The following CNTN5 variants were observed in gnomAD, a reference collection of about 807,000 sequenced individuals.
The protein encoded by CNTN5 is contactin-5.
CNTN5 carries 77 observed loss-of-function variants against 129.1 expected under a neutral mutation model. The ratio of observed to expected loss-of-function variants is 0.60; its 90% CI spans 0.50 to 0.72. The LOEUF (loss-of-function observed/expected upper bound fraction) is 0.72. Ranked by LOEUF, CNTN5 falls within the 30% of genes least tolerant of loss-of-function variation. CNTN5 has a pLI of 0.00. For missense variants in CNTN5, 1,478 were observed against 1,328.8 expected, an observed-to-expected ratio of 1.11 and a Z score of -1.75; for synonymous variants, 509 against 465.6, an observed-to-expected ratio of 1.09 and a Z score of -1.20.
chr11:99,139,185 T>C (rs1013103718), intron 1 of CNTN5, among the ~76,000 whole-genome samples: 2 of 148,712 alleles, frequency 1.3e-5, no homozygotes, highest in Non-Finnish European at 3.0e-5. Flanking sequence ...GAGGATTGCT[T>C]GAGCCTGGGA....
chr11:99,122,226 TG>T lies in CNTN5; in HGVS notation c.-210+100957del, dbSNP rs1858377478. The stretch of plus-strand genomic sequence containing the variant: ...GTCCATACAGAGATTTACTATCCCT[TG>T]CTTTAGGAACAGTTGTCATAGTTTA... On this transcript the variant is annotated intron_variant, in intron 1 of 24. Transcript: ENST00000524871. Among the ~76,000 whole-genome samples, 3 of 152,180 alleles carry T rather than the reference TG, an allele frequency of 2.0e-5. No homozygotes were observed. In the South Asian group the frequency reaches 6.2e-4, roughly 31 times the overall value.
rs562973025 is a variant in CNTN5, at chr11:99,058,117, C to T, written c.-210+36847C>T. 3.8e-4 allele frequency among the ~76,000 whole-genome samples: 58 copies of T among 151,940 alleles called. No individual in the cohort carries two copies. In the South Asian group the frequency reaches 9.8e-3, roughly 26 times the overall value. ...AAGGGATGACGACAGAAAGAAAATT[C>T]GGAAGTTACTATAAAGACTATGTAT... On this transcript the variant is annotated intron_variant, in intron 1 of 24. Transcript: ENST00000524871.
At chr11:99,337,792 AAAAAATGTAT>A (rs1160177932) in intron 2 of CNTN5, among the ~76,000 whole-genome samples, 5 of 152,222 alleles carry the variant, frequency 3.3e-5, no homozygotes, top group African/African-American at 1.2e-4. Flanking sequence ...TATTCAAAGA[AAAAAATGTAT>A]AAGAAGTCTT....
At chr11:99,142,410 C>T (rs1182085696) in intron 1 of CNTN5, among the ~76,000 whole-genome samples, 1 of 151,986 alleles carries the variant, frequency 6.6e-6, no homozygotes, top group Non-Finnish European at 1.5e-5. Context: ...CAGGCAGGTG[C>T]GCACCAATGG....
intron 3 of CNTN5, among the ~76,000 whole-genome samples, chr11:99,790,026 G>GT (rs1170863598): frequency 6.6e-6 from 1 of 151,982 alleles, no homozygotes; most frequent in Non-Finnish European, 1.5e-5. Context: ...AGAAAATGCA[G>GT]TTTTTGGTTT....
intron 1 of CNTN5, among the ~76,000 whole-genome samples, chr11:99,294,709 A>G (rs1174715835): frequency 3.9e-5 from 6 of 152,194 alleles, no homozygotes; most frequent in Admixed American, 2.6e-4. Context: ...TACTCTGCCA[A>G]TGAGAACAGA....
intron 3 of CNTN5, among the ~76,000 whole-genome samples, chr11:99,622,033 G>A (rs1158526325): frequency 6.6e-6 from 1 of 152,068 alleles, no homozygotes; most frequent in African/African-American, 2.4e-5. Context: ...CACACATTTG[G>A]GTGGTTAATA....
At chr11:99,273,175 C>A (rs911879408) in intron 1 of CNTN5, among the ~76,000 whole-genome samples, 2 of 151,602 alleles carry the variant, frequency 1.3e-5, no homozygotes, top group African/African-American at 4.8e-5. Flanking sequence ...TGGGAAAAAG[C>A]CAAAAACAGA....
At chr11:99,849,724 G>A (rs761526339) in intron 6 of CNTN5, among the ~76,000 whole-genome samples, 7 of 152,100 alleles carry the variant, frequency 4.6e-5, no homozygotes, top group Non-Finnish European at 7.4e-5. Context: ...TGTTGCAGAC[G>A]ATGCTCTGTT....
intron 2 of CNTN5, among the ~76,000 whole-genome samples, chr11:99,468,350 C>A (rs1945027470): frequency 6.6e-6 from 1 of 152,174 alleles, no homozygotes. Context: ...AGTATCAACA[C>A]AAACTATGTG....
chr11:99,685,185 T>A (rs1455718870), intron 3 of CNTN5, among the ~76,000 whole-genome samples: 1 of 151,568 alleles, frequency 6.6e-6, no homozygotes, highest in Non-Finnish European at 1.5e-5. Flanking sequence ...CATTGTCAAA[T>A]TTCAAGTGAT....
intron 1 of CNTN5, among the ~76,000 whole-genome samples, chr11:99,192,359 A>G (rs1858686418): frequency 1.3e-5 from 2 of 151,848 alleles, no homozygotes; most frequent in East Asian, 1.9e-4. Context: ...TTGTTTAACT[A>G]TAAGGTAAAC....
chr11:99,737,131 G>GCA (rs927394222), intron 3 of CNTN5, among the ~76,000 whole-genome samples: 1 of 149,744 alleles, frequency 6.7e-6, no homozygotes, highest in Non-Finnish European at 1.5e-5. Context: ...TAACACACAT[G>GCA]CACACACACA....
chr11:99,283,673 G>A (rs943828263), intron 1 of CNTN5, among the ~76,000 whole-genome samples: 1 of 152,050 alleles, frequency 6.6e-6, no homozygotes, highest in Non-Finnish European at 1.5e-5. Flanking sequence ...GTGCTAAGCA[G>A]GGAAACTATT....
intron 2 of CNTN5, among the ~76,000 whole-genome samples, chr11:99,523,663 T>A (rs10750311): frequency 0.56 from 72,091 of 129,408 alleles, 21,113 homozygotes; most frequent in Non-Finnish European, 0.64. Context: ...ACAGAACAGA[T>A]CAGAACAGAA....
intron 2 of CNTN5, among the ~76,000 whole-genome samples, chr11:99,436,448 T>C (rs1230215361): frequency 6.6e-6 from 1 of 152,190 alleles, no homozygotes; most frequent in Non-Finnish European, 1.5e-5. Flanking sequence ...CTTACATCTT[T>C]CACAGCATAC....
intron 3 of CNTN5, among the ~76,000 whole-genome samples, chr11:99,678,010 T>G (rs1953369407): frequency 6.6e-6 from 1 of 152,154 alleles, no homozygotes; most frequent in Non-Finnish European, 1.5e-5. Context: ...ACTTTATTTC[T>G]GCTTCATACA....
intron 3 of CNTN5, among the ~76,000 whole-genome samples, chr11:99,732,116 G>A (rs1030259857): frequency 1.3e-5 from 2 of 152,164 alleles, no homozygotes; most frequent in Non-Finnish European, 2.9e-5. Context: ...GTTTCATCAG[G>A]CAAGGTAAAC....
intron 2 of CNTN5, among the ~76,000 whole-genome samples, chr11:99,403,828 G>A (rs1388713326): frequency 6.6e-6 from 1 of 152,094 alleles, no homozygotes; most frequent in Non-Finnish European, 1.5e-5. Context: ...TGTGTATTCT[G>A]CAGTTCTTGG....
Sources: gnomAD v4.1 joint callset for allele counts (sites outside exome capture counted in the v4.1 genomes callset) on GRCh38, gnomAD v4.1.1 for gene constraint, MANE v1.5 for transcripts, NCBI Gene and HGNC (gene_info 2026-07-23, HGNC 2026-07-21) for gene names.